TUSC3: variants seen among roughly 807,000 people sequenced by gnomAD.
TUSC3 encodes the protein tumor suppressor candidate 3, also known as dolichyl-diphosphooligosaccharide--protein glycosyltransferase subunit TUSC3.
In TUSC3, 45 loss-of-function variants were observed where a neutral mutation model predicts 44.8. That is an observed-to-expected ratio of 1.00 (90% CI 0.79 to 1.29). The LOEUF (loss-of-function observed/expected upper bound fraction) is 1.29, where lower values mean the gene tolerates loss of function less well. Among genes scored for constraint, TUSC3 ranks in the 50% most tolerant of loss-of-function variants. The probability of loss-of-function intolerance (pLI) is 0.00; values close to 1 mark genes in which losing one functional copy is unlikely to be tolerated. For missense variants in TUSC3, 519 were observed against 437.9 expected (o/e 1.19, Z -1.65); for synonymous variants, 212 against 152.9 (o/e 1.39, Z -2.85).
chr8:15,622,338 C>T (rs536293522), intron 1 of TUSC3, among the ~76,000 whole-genome samples: 13 of 151,492 alleles, frequency 8.6e-5, no homozygotes, highest in Admixed American at 3.3e-4. Flanking sequence ...TACTGTGTTG[C>T]CTAAGCTTAT....
intron 1 of TUSC3, among the ~76,000 whole-genome samples, chr8:15,418,609 G>A (rs1174010392): frequency 6.6e-6 from 1 of 152,198 alleles, no homozygotes; most frequent in East Asian, 1.9e-4. Flanking sequence ...GAGGAAGAAT[G>A]TGAAATAGGA....
chr8:15,433,802 AC>A (rs1278287802), intron 1 of TUSC3, among the ~76,000 whole-genome samples: 1 of 152,166 alleles, frequency 6.6e-6, no homozygotes, highest in African/African-American at 2.4e-5. Context: ...GTAGAAATAT[AC>A]GTTATATGGA....
chr8:15,711,157 A>G (rs1196515199), intron 6 of TUSC3, among the ~76,000 whole-genome samples: 1 of 151,222 alleles, frequency 6.6e-6, no homozygotes, highest in Non-Finnish European at 1.5e-5. Context: ...CACTACCAGC[A>G]TTTTCCTTGG....
At chr8:15,729,700 G>A (rs933073065) in intron 6 of TUSC3, among the ~76,000 whole-genome samples, 12 of 152,020 alleles carry the variant, frequency 7.9e-5, no homozygotes, top group African/African-American at 2.9e-4. Context: ...AGACCCTGGG[G>A]CTTACTTGAG....
chr8:15,525,350 G>T (rs929332656), intron 2 of TUSC3, among the ~76,000 whole-genome samples: 1 of 152,106 alleles, frequency 6.6e-6, no homozygotes, highest in South Asian at 2.1e-4. Context: ...CTTGTTTCTT[G>T]ACTTTATTGG....
the TUSC3 span, among the ~76,000 whole-genome samples, chr8:15,843,005 C>G: frequency 1.3e-5 from 2 of 152,278 alleles, no homozygotes; most frequent in South Asian, 2.1e-4. Flanking sequence ...TTTGTAGCAA[C>G]CACAGCCTGA....
Position 15,445,940 on chromosome 8 carries a change from C to T in TUSC3, n.91+28635C>T, listed in dbSNP as rs1166661439. On this transcript the variant is annotated intron_variant and non_coding_transcript_variant, in intron 1 of 5. Coordinates refer to the TUSC3 transcript ENST00000503191. ...CCCACCTTCCGGACGGGGCGGCTGG[C>T]CGGACGGGGGCTGCCCCCCACCTCG... Among the ~76,000 whole-genome samples the T allele has an allele frequency of 2.8e-5, 4 of 144,116 alleles. No homozygotes were observed. In the East Asian group the frequency reaches 8.5e-4, roughly 31 times the overall value. 94.5% of individuals were successfully genotyped at this position (144,116 alleles called of 152,430 possible).
chr8:15,799,846 G>A, the TUSC3 span, among the ~76,000 whole-genome samples: 2 of 152,114 alleles, frequency 1.3e-5, no homozygotes, highest in African/African-American at 4.8e-5. Flanking sequence ...AAGACCCCAG[G>A]TCATAGATGA....
At chr8:15,535,186 G>A (rs1801504932) in intron 2 of TUSC3, among the ~76,000 whole-genome samples, 1 of 152,188 alleles carries the variant, frequency 6.6e-6, no homozygotes, top group Admixed American at 6.5e-5. Context: ...TTAGATTCTG[G>A]AAATTAATTC....
chr8:15,525,093 T>C (rs1233817646), intron 2 of TUSC3, among the ~76,000 whole-genome samples: 1 of 152,228 alleles, frequency 6.6e-6, no homozygotes, highest in Non-Finnish European at 1.5e-5. Flanking sequence ...TTCTTAAAGA[T>C]GTAAAGGTAC....
chr8:15,595,485 A>T (rs7838945), intron 1 of TUSC3, among the ~76,000 whole-genome samples: 44,275 of 151,958 alleles, frequency 0.29, 6,829 homozygotes, highest in Non-Finnish European at 0.34. Context: ...CATAGGGCTC[A>T]CTTTGTTCCC....
intron 1 of TUSC3, among the ~76,000 whole-genome samples, chr8:15,441,449 A>T (rs895645567): frequency 2.6e-5 from 4 of 152,208 alleles, no homozygotes; most frequent in African/African-American, 9.6e-5. Context: ...ATATTCCTAT[A>T]AAAATAATAT....
intron 2 of TUSC3, among the ~76,000 whole-genome samples, chr8:15,518,552 C>T (rs1261359720): frequency 1.3e-5 from 2 of 152,022 alleles, no homozygotes; most frequent in African/African-American, 4.8e-5. Flanking sequence ...CAAGTCACTT[C>T]TCCTTATGAA....
intron 4 of TUSC3, among the ~76,000 whole-genome samples, chr8:15,661,882 A>G (rs1387066473): frequency 1.3e-5 from 2 of 152,120 alleles, no homozygotes; most frequent in Middle Eastern, 3.4e-3. Context: ...CTGAATGGGC[A>G]TTTCTTCATG....
chr8:15,528,705 C>T (rs1801409684), intron 2 of TUSC3, among the ~76,000 whole-genome samples: 3 of 152,138 alleles, frequency 2.0e-5, no homozygotes, highest in African/African-American at 7.2e-5. Context: ...CTCCTGTGAC[C>T]CTCTTGGATT....
intron 1 of TUSC3, among the ~76,000 whole-genome samples, chr8:15,573,196 C>CTATATATA (rs1427194441): frequency 6.7e-5 from 7 of 104,234 alleles, no homozygotes; most frequent in East Asian, 3.2e-4. Flanking sequence ...CTCTCTCTCT[C>CTATATATA]TCTCTCTATA....
intron 2 of TUSC3, among the ~76,000 whole-genome samples, chr8:15,505,248 A>T (rs2129127530): frequency 6.6e-6 from 1 of 152,304 alleles, no homozygotes; most frequent in East Asian, 1.9e-4. Context: ...TGATCCTTCC[A>T]AACAAGAAGG....
At chr8:15,681,558 T>TG (rs2129185861) in intron 6 of TUSC3, among the ~76,000 whole-genome samples, 1 of 41,012 alleles carries the variant, frequency 2.4e-5, no homozygotes, top group East Asian at 6.6e-4. Flanking sequence ...GGATCTTTTC[T>TG]CTTTTTTTTT....
At chr8:15,680,088 T>A (rs2129185260) in intron 6 of TUSC3, among the ~76,000 whole-genome samples, 1 of 146,578 alleles carries the variant, frequency 6.8e-6, no homozygotes, top group African/African-American at 2.4e-5. Flanking sequence ...TCCACATGAA[T>A]TTTAGAATAG....
Sources: gnomAD v4.1 joint callset for allele counts (sites outside exome capture counted in the v4.1 genomes callset) on GRCh38, gnomAD v4.1.1 for gene constraint, MANE v1.5 for transcripts, NCBI Gene and HGNC (gene_info 2026-07-23, HGNC 2026-07-21) for gene names.